The following SLC23A2 variants were observed in gnomAD, a reference collection of about 807,000 sequenced individuals.
SLC23A2 encodes solute carrier family 23 member 2, also known as Na(+)/L-ascorbic acid transporter 2.
In SLC23A2, 36 loss-of-function variants were observed where a neutral mutation model predicts 73.3. That is an observed-to-expected ratio of 0.49 (90% CI 0.38 to 0.65). The LOEUF (loss-of-function observed/expected upper bound fraction) is 0.65, where lower values mean the gene tolerates loss of function less well. Ranked by LOEUF, SLC23A2 falls within the 30% of genes least tolerant of loss-of-function variation. The pLI, the probability that SLC23A2 is intolerant of heterozygous loss-of-function variation, is 0.00. For synonymous variants in SLC23A2, 343 were observed against 327.3 expected (o/e 1.05, Z -0.52); for missense variants, 507 against 841.6 (o/e 0.60, Z 4.92).
intron 1 of SLC23A2, among the ~76,000 whole-genome samples, chr20:4,973,967 G>GA (rs1278426930): frequency 6.6e-6 from 1 of 152,146 alleles, no homozygotes; most frequent in Non-Finnish European, 1.5e-5. Context: ...AAATACTACA[G>GA]AATTGCCATC....
chr20:4,971,333 C>A (rs1286198279), intron 1 of SLC23A2, among the ~76,000 whole-genome samples: 6 of 140,812 alleles, frequency 4.3e-5, no homozygotes, highest in Non-Finnish European at 9.2e-5. Flanking sequence ...CACACACACA[C>A]AAATTAGCCA....
intron 3 of SLC23A2, among the ~76,000 whole-genome samples, chr20:4,918,549 T>A (rs753666654): frequency 4.6e-5 from 7 of 152,184 alleles, no homozygotes; most frequent in Non-Finnish European, 1.0e-4. Flanking sequence ...TACTTATTTC[T>A]AAACAGTTCT....
chr20:4,857,527 T>C lies in SLC23A2; in HGVS notation c.1721-323A>G, dbSNP rs1381277922. ...TGACCCATATTCTCAATTTTCACTG[T>C]TAGGGCCCAGCTCAGGCCATGTTAT... is the stretch of plus-strand genomic sequence containing the variant. On this transcript the variant is annotated intron_variant, in intron 16 of 16. Transcript: ENST00000338244. The surrounding 1 kb of genome is among the most constrained non-coding windows in gnomAD (Gnocchi z 4.0). Among the ~76,000 whole-genome samples, 1 of 152,126 alleles carries C rather than the reference T, an allele frequency of 6.6e-6. No individual in the cohort carries two copies. The highest frequency in any genetic ancestry group is 1.5e-5 in the Non-Finnish European group (1 of 68,014).
chr20:4,962,256 A>AT (rs2087404549), intron 2 of SLC23A2, among the ~76,000 whole-genome samples: 1 of 151,730 alleles, frequency 6.6e-6, no homozygotes, highest in Non-Finnish European at 1.5e-5. Flanking sequence ...CCCGCCCCAA[A>AT]AAAACAGAAT....
intron 1 of SLC23A2, among the ~76,000 whole-genome samples, chr20:5,001,051 GT>G (rs1158083209): frequency 6.6e-6 from 1 of 152,104 alleles, no homozygotes; most frequent in Non-Finnish European, 1.5e-5. Flanking sequence ...GCGGCAGCCA[GT>G]GGGGTTCTGG....
At chr20:4,950,639 G>T (rs2087186494) in intron 2 of SLC23A2, among the ~76,000 whole-genome samples, 1 of 152,160 alleles carries the variant, frequency 6.6e-6, no homozygotes, top group Non-Finnish European at 1.5e-5. Context: ...GGGCCTACCA[G>T]GAACCTGGGC....
At chr20:4,919,494 G>T (rs1000320209) in intron 3 of SLC23A2, among the ~76,000 whole-genome samples, 2 of 152,292 alleles carry the variant, frequency 1.3e-5, no homozygotes, top group Non-Finnish European at 2.9e-5. Context: ...TCCCCATGCC[G>T]GCCCACAGCA....
chr20:4,955,572 TG>T (rs1470656995), intron 2 of SLC23A2, among the ~76,000 whole-genome samples: 1 of 152,078 alleles, frequency 6.6e-6, no homozygotes, highest in Non-Finnish European at 1.5e-5. Flanking sequence ...GAGTAACACT[TG>T]ACCTCAGGGG....
At chr20:4,948,762 T>C (rs2059407751) in intron 2 of SLC23A2, among the ~76,000 whole-genome samples, 1 of 152,266 alleles carries the variant, frequency 6.6e-6, no homozygotes, top group Non-Finnish European at 1.5e-5. Flanking sequence ...TTAAAAATTA[T>C]ATTCATTAAA....
In SLC23A2 at chr20:4,955,275, T is replaced by G. The variant is rs568021694; in HGVS notation, c.-155+15518A>C. 1.3e-3 allele frequency among the ~76,000 whole-genome samples: 187 copies of G among 148,570 alleles called. 1 individual carries two copies. Among genetic ancestry groups the G allele is most frequent in the Non-Finnish European group, 2.1e-3 (141 of 67,190 alleles). ...ATCTCTAAAAAGAAGAAAAAAGAAT[T>G]TGAAAGCTCAAATAATGGAAAAGGG... On this transcript the variant is annotated intron_variant, in intron 2 of 16. Transcript: ENST00000338244.
At chr20:4,880,576 G>A (rs1211694794) in intron 9 of SLC23A2, among the ~76,000 whole-genome samples, 1 of 152,080 alleles carries the variant, frequency 6.6e-6, no homozygotes, top group Admixed American at 6.6e-5. Flanking sequence ...TAAAGCAAAG[G>A]AGAATTCTCA....
intron 3 of SLC23A2, among the ~76,000 whole-genome samples, chr20:4,922,565 C>T (rs1372043422): frequency 6.6e-6 from 1 of 152,166 alleles, no homozygotes; most frequent in African/African-American, 2.4e-5. Flanking sequence ...CAGTGGCTCA[C>T]GCCTTTATCC....
At chr20:4,961,284 T>C (rs185193520) in intron 2 of SLC23A2, among the ~76,000 whole-genome samples, 1 of 152,028 alleles carries the variant, frequency 6.6e-6, no homozygotes, top group African/African-American at 2.4e-5. Context: ...GGTTTCACCT[T>C]GTTAGCCAGG....
intron 1 of SLC23A2, among the ~76,000 whole-genome samples, chr20:4,997,156 T>C (rs999051171): frequency 1.3e-4 from 20 of 152,178 alleles, no homozygotes; most frequent in African/African-American, 4.8e-4. Flanking sequence ...GTCTCCTTGC[T>C]GTCCTGCCTT....
At position 4,853,596 on chromosome 20, in the gene SLC23A2, C is replaced by G. The variant is rs965468689; in HGVS notation, c.*3376G>C. On this transcript the variant is annotated 3_prime_UTR_variant, in exon 17 of 17. Transcript: ENST00000338244. ...TCATTCCCTCCCTGGAAAACTGTGA[C>G]TATTATCCTGGGTAGAAATGTTATT... The G allele has an allele frequency of 7.9e-5, 12 of 152,640 alleles. No individual in the cohort carries two copies. The highest frequency in any genetic ancestry group is 1.6e-4 in the Non-Finnish European group (11 of 68,044). 9.5% of individuals were successfully genotyped at this position (152,640 alleles called of 1,614,324 possible). A position where few individuals can be genotyped will look rare whatever the true frequency, so the allele number is the denominator to read the frequency against.
intron 1 of SLC23A2, among the ~76,000 whole-genome samples, chr20:4,996,685 C>CAAAAAAAAAAAAA (rs1555809857): frequency 1.8e-5 from 1 of 54,780 alleles, no homozygotes; most frequent in Non-Finnish European, 3.4e-5. Flanking sequence ...GATTCCATCT[C>CAAAAAAAAAAAAA]AAAAAAAAAA....
At chr20:4,886,615 C>A (rs1931108837) in intron 6 of SLC23A2, among the ~76,000 whole-genome samples, 1 of 152,204 alleles carries the variant, frequency 6.6e-6, no homozygotes, top group Admixed American at 6.5e-5. Flanking sequence ...ATTTTAGATA[C>A]TTCATATTGA....
At chr20:4,952,103 C>CAAAAAAAAAAAAAAAAAAAAAA (rs57832305) in intron 2 of SLC23A2, among the ~76,000 whole-genome samples, 1 of 40,534 alleles carries the variant, frequency 2.5e-5, no homozygotes. Flanking sequence ...GACTCTGACT[C>CAAAAAAAAAAAAAAAAAAAAAA]AAAAAAAAAA....
At chr20:4,990,690 A>C (rs1157300327) in intron 1 of SLC23A2, among the ~76,000 whole-genome samples, 1 of 149,470 alleles carries the variant, frequency 6.7e-6, no homozygotes, top group Non-Finnish European at 1.5e-5. Context: ...TTATCTTATT[A>C]TAAAAACAAG....
Sources: gnomAD v4.1 joint callset for allele counts (sites outside exome capture counted in the v4.1 genomes callset) on GRCh38, gnomAD v4.1.1 for gene constraint, Gnocchi (gnomAD v3.1) non-coding constraint, MANE v1.5 for transcripts, NCBI Gene and HGNC (gene_info 2026-07-23, HGNC 2026-07-21) for gene names.